Variants in GRIP1 observed in about 807,000 individuals in gnomAD.
GRIP1 encodes the protein glutamate receptor interacting protein 1.
GRIP1 carries 45 observed loss-of-function variants against 129.9 expected under a neutral mutation model. That is an observed-to-expected ratio of 0.35 (90% confidence interval 0.27 to 0.44). The LOEUF (loss-of-function observed/expected upper bound fraction) is 0.44. GRIP1 is among the 20% of genes least tolerant of loss of function. The pLI is 1.00. For synonymous variants in GRIP1, 530 were observed against 520.8 expected, an observed-to-expected ratio of 1.02 and a Z score of -0.24; for missense variants, 1,196 against 1,396.8, an observed-to-expected ratio of 0.86 and a Z score of 2.29.
chr12:66,410,249 C>CAAA (rs1177155122), intron 15 of GRIP1, among the ~76,000 whole-genome samples: 21,380 of 47,296 alleles, frequency 0.45, 6,021 homozygotes, highest in Non-Finnish European at 0.58. Context: ...GACTCCGTCT[C>CAAA]AAAAAAAAAA....
At chr12:66,584,624 G>A (rs890034279) in intron 2 of GRIP1, among the ~76,000 whole-genome samples, 1 of 152,090 alleles carries the variant, frequency 6.6e-6, no homozygotes, top group African/African-American at 2.4e-5. Context: ...AGAGAACCCA[G>A]TGGAATGGAA....
upstream of GRIP1, among the ~76,000 whole-genome samples, chr12:66,804,430 ATTT>A (rs898134257): frequency 6.6e-6 from 1 of 151,240 alleles, no homozygotes; most frequent in African/African-American, 2.4e-5. Flanking sequence ...CAAATCTGTA[ATTT>A]TTTTAAAAAA....
intron 23 of GRIP1, among the ~76,000 whole-genome samples, chr12:66,354,914 T>C (rs1475558889): frequency 6.6e-6 from 1 of 152,164 alleles, no homozygotes; most frequent in East Asian, 1.9e-4. Context: ...CCAGTGGTTA[T>C]TGCCATATTA....
At chr12:66,873,040 G>A (rs1157273544) in intron 1 of GRIP1, among the ~76,000 whole-genome samples, 2 of 152,040 alleles carry the variant, frequency 1.3e-5, no homozygotes. Context: ...CAAAGACTTG[G>A]CCTACTCAAT....
intron 1 of GRIP1, among the ~76,000 whole-genome samples, chr12:66,949,277 C>T (rs2041718508): frequency 6.6e-6 from 1 of 152,084 alleles, no homozygotes; most frequent in African/African-American, 2.4e-5. Flanking sequence ...TGTATGTTAA[C>T]CTAGTTGCAC....
intron 1 of GRIP1, among the ~76,000 whole-genome samples, chr12:67,009,069 T>G (rs1035677355): frequency 1.1e-4 from 16 of 152,154 alleles, no homozygotes; most frequent in Admixed American, 9.8e-4. Context: ...CAAAATAGGA[T>G]AGCAATGACT....
At chr12:66,610,233 T>G (rs10878465) in intron 1 of GRIP1, among the ~76,000 whole-genome samples, 10,177 of 152,124 alleles carry the variant, frequency 0.067, 769 homozygotes, top group African/African-American at 0.19. Context: ...CACGCATATA[T>G]ATATATAAAC....
chr12:66,491,213 C>G (rs541311393), intron 7 of GRIP1, among the ~76,000 whole-genome samples: 1 of 152,248 alleles, frequency 6.6e-6, no homozygotes, highest in East Asian at 1.9e-4. Context: ...GGAATCAACC[C>G]AAATGCTCAT....
intron 1 of GRIP1, among the ~76,000 whole-genome samples, chr12:66,677,008 C>T (rs1037738068): frequency 1.3e-5 from 2 of 152,260 alleles, no homozygotes; most frequent in African/African-American, 2.4e-5. Context: ...GCCAGTTAAA[C>T]ACAAAGAAGA....
At chr12:66,947,064 T>A (rs995553844) in intron 1 of GRIP1, among the ~76,000 whole-genome samples, 9 of 151,452 alleles carry the variant, frequency 5.9e-5, no homozygotes, top group Non-Finnish European at 8.8e-5. Context: ...AAAACCTGCT[T>A]AGCAGAAGTT....
chr12:66,535,451 G>A (rs1056512460), intron 4 of GRIP1, among the ~76,000 whole-genome samples: 1 of 151,876 alleles, frequency 6.6e-6, no homozygotes, highest in Non-Finnish European at 1.5e-5. Flanking sequence ...TTTGATAATG[G>A]TCTCAATAAT....
At chr12:66,548,686 G>T (rs1381679537) in intron 2 of GRIP1, among the ~76,000 whole-genome samples, 1 of 152,182 alleles carries the variant, frequency 6.6e-6, no homozygotes, top group African/African-American at 2.4e-5. Context: ...GGAAGTGAGT[G>T]AGGATCAAAA....
intron 13 of GRIP1, among the ~76,000 whole-genome samples, chr12:66,438,913 T>G (rs534911188): frequency 1.3e-5 from 2 of 152,238 alleles, no homozygotes; most frequent in South Asian, 2.1e-4. Context: ...GTTTTTCCAC[T>G]GGAGGAGAGT....
chr12:66,616,741 C>G (rs898767819), intron 1 of GRIP1, among the ~76,000 whole-genome samples: 14 of 152,080 alleles, frequency 9.2e-5, no homozygotes, highest in African/African-American at 3.4e-4. Flanking sequence ...CCAACCTAAG[C>G]AAAACCAACT....
At chr12:66,513,684 C>G (rs938634195) in intron 7 of GRIP1, among the ~76,000 whole-genome samples, 2 of 152,080 alleles carry the variant, frequency 1.3e-5, no homozygotes, top group Admixed American at 6.6e-5. Context: ...ATTCAGCAAC[C>G]TTGAGGAACT....
At chr12:66,732,578 T>C (rs914246069) in intron 1 of GRIP1, among the ~76,000 whole-genome samples, 2 of 151,740 alleles carry the variant, frequency 1.3e-5, no homozygotes, top group African/African-American at 4.8e-5. Flanking sequence ...AACAAAAGAA[T>C]GAAGACCTTT....
At chr12:67,056,524 C>T (rs1178387997) in intron 1 of GRIP1, among the ~76,000 whole-genome samples, 1 of 152,062 alleles carries the variant, frequency 6.6e-6, no homozygotes, top group African/African-American at 2.4e-5. Context: ...AAGGGGGAAG[C>T]TGCTTTGACT....
intron 1 of GRIP1, chr12:67,035,468 A>G (rs938334431): frequency 6.6e-5 from 10 of 152,188 alleles, no homozygotes; most frequent in African/African-American, 2.4e-4. Flanking sequence ...TCAGGCTATT[A>G]TTAGTTTTAA....
At chr12:66,590,510 C>T (rs940269932) in intron 2 of GRIP1, among the ~76,000 whole-genome samples, 8 of 152,174 alleles carry the variant, frequency 5.3e-5, no homozygotes, top group East Asian at 1.9e-4. Context: ...ATAATTAATG[C>T]GTACCTGCCA....
Sources: gnomAD v4.1 joint callset for allele counts (sites outside exome capture counted in the v4.1 genomes callset) on GRCh38, gnomAD v4.1.1 for gene constraint, MANE v1.5 for transcripts, NCBI Gene and HGNC (gene_info 2026-07-23, HGNC 2026-07-21) for gene names.